The following KLF8 variants were observed in gnomAD, a reference collection of about 807,000 sequenced individuals.
The protein encoded by KLF8 is KLF transcription factor 8.
Under a neutral mutation model 18.2 loss-of-function variants are expected in KLF8, and 10 were observed. That is an observed-to-expected ratio of 0.55 (90% confidence interval 0.34 to 0.93). KLF8 has a LOEUF of 0.93. KLF8 is among the 40% of genes least tolerant of loss of function. KLF8 has a pLI of 0.02. For synonymous variants in KLF8, 109 were observed against 97.3 expected, an observed-to-expected ratio of 1.12 and a Z score of -0.71; for missense variants, 264 against 277.9, an observed-to-expected ratio of 0.95 and a Z score of 0.36.
chrX:56,191,667 A>T, the KLF8 span, among the ~76,000 whole-genome samples: 2 of 111,955 alleles, frequency 1.8e-5, no homozygotes, highest in African/African-American at 6.5e-5. Flanking sequence ...AATCAATTTG[A>T]TGCATCGTAT....
At position 56,287,862 on chromosome X, in the gene KLF8, A is replaced by C. The variant is rs1054791820; in HGVS notation, c.*3368A>C. The C allele has an allele frequency of 3.6e-5, 4 of 112,118 alleles. No homozygotes were observed. Among genetic ancestry groups the C allele is most frequent in the Non-Finnish European group, 7.5e-5 (4 of 53,280 alleles). 9.2% of individuals were successfully genotyped at this position (112,118 alleles called of 1,213,427 possible). A position where few individuals can be genotyped will look rare whatever the true frequency, so the allele number is the denominator to read the frequency against. On this transcript the variant is annotated 3_prime_UTR_variant, in exon 6 of 6. Transcript: ENST00000468660. ...TGTGGTATATTTGTTACAATTAATA[A>C]AACACATTGATATGTTAATATTATT...
chrX:56,048,333 G>T, the KLF8 span, among the ~76,000 whole-genome samples: 2 of 111,816 alleles, frequency 1.8e-5, no homozygotes, highest in Non-Finnish European at 3.8e-5. Context: ...TAGACATGAA[G>T]CCCTTGCCCA....
At chrX:56,162,147 G>T in the KLF8 span, among the ~76,000 whole-genome samples, 1 of 111,634 alleles carries the variant, frequency 9.0e-6, no homozygotes, top group Non-Finnish European at 1.9e-5. Flanking sequence ...TCTCAGAGGA[G>T]TACCTGGCCA....
chrX:56,008,860 C>T, the KLF8 span, among the ~76,000 whole-genome samples: 52 of 112,035 alleles, frequency 4.6e-4, no homozygotes, highest in East Asian at 5.7e-4. Flanking sequence ...GACTCTGATC[C>T]GTCCTAACTC....
At chrX:55,940,451 C>T in the KLF8 span, among the ~76,000 whole-genome samples, 2 of 111,595 alleles carry the variant, frequency 1.8e-5, no homozygotes, top group African/African-American at 3.3e-5. Flanking sequence ...GGAAGCATTC[C>T]CTTTGAACAC....
chrX:56,099,153 G>A, the KLF8 span, among the ~76,000 whole-genome samples: 1 of 111,480 alleles, frequency 9.0e-6, no homozygotes, highest in Non-Finnish European at 1.9e-5. Flanking sequence ...AACATCATGT[G>A]CTCATTTTGT....
chrX:56,031,319 A>C, the KLF8 span, among the ~76,000 whole-genome samples: 5 of 112,091 alleles, frequency 4.5e-5, no homozygotes, highest in Non-Finnish European at 7.5e-5. Flanking sequence ...AGCCAAGTCA[A>C]AACCAAAACC....
chrX:56,080,034 A>C, the KLF8 span, among the ~76,000 whole-genome samples: 1 of 110,605 alleles, frequency 9.0e-6, no homozygotes, highest in African/African-American at 3.3e-5. Flanking sequence ...TTTTGAGCCT[A>C]TGTGTGTCTC....
chrX:56,086,446 A>T, the KLF8 span, among the ~76,000 whole-genome samples: 1 of 110,646 alleles, frequency 9.0e-6, no homozygotes, highest in Non-Finnish European at 1.9e-5. Context: ...GGCTGAGAGC[A>T]GTCACTCCTG....
At chrX:55,965,983 T>A in the KLF8 span, among the ~76,000 whole-genome samples, 1 of 112,091 alleles carries the variant, frequency 8.9e-6, no homozygotes, top group Admixed American at 9.4e-5. Context: ...TAAGTGAATA[T>A]CAATGTTAGC....
At chrX:55,973,350 C>T in the KLF8 span, among the ~76,000 whole-genome samples, 1 of 111,713 alleles carries the variant, frequency 9.0e-6, no homozygotes, top group Non-Finnish European at 1.9e-5. Flanking sequence ...CATAAATTGA[C>T]AAGTGGGAAG....
At chrX:56,058,229 T>C in the KLF8 span, among the ~76,000 whole-genome samples, 3 of 86,356 alleles carry the variant, frequency 3.5e-5, no homozygotes, top group African/African-American at 8.6e-5. Flanking sequence ...TGTATATATA[T>C]ATACACACAT....
At chrX:56,121,180 C>A in the KLF8 span, among the ~76,000 whole-genome samples, 9 of 83,848 alleles carry the variant, frequency 1.1e-4, 1 homozygote, top group Admixed American at 1.1e-3. Context: ...AGCGAGACTC[C>A]GTCTCAAAAA....
At chrX:55,937,666 G>C in the KLF8 span, among the ~76,000 whole-genome samples, 1 of 112,166 alleles carries the variant, frequency 8.9e-6, no homozygotes, top group Non-Finnish European at 1.9e-5. Context: ...AACCAATGCA[G>C]AGAAATACCT....
chrX:56,203,927 G>A, the KLF8 span, among the ~76,000 whole-genome samples: 111 of 111,083 alleles, frequency 1.0e-3, no homozygotes, highest in African/African-American at 3.6e-3. Context: ...GGTTCCATAT[G>A]CATTTTGGAA....
At chrX:55,940,030 G>A in the KLF8 span, among the ~76,000 whole-genome samples, 1 of 111,509 alleles carries the variant, frequency 9.0e-6, no homozygotes, top group Non-Finnish European at 1.9e-5. Context: ...ATTTGATGAG[G>A]ACGGCATCAT....
At chrX:56,076,982 G>A in the KLF8 span, among the ~76,000 whole-genome samples, 4 of 111,474 alleles carry the variant, frequency 3.6e-5, no homozygotes, top group Middle Eastern at 4.7e-3. Flanking sequence ...ACTTTTTGAC[G>A]GGGTTGTTTG....
the KLF8 span, among the ~76,000 whole-genome samples, chrX:56,170,893 C>G: frequency 9.0e-6 from 1 of 111,697 alleles, no homozygotes; most frequent in Non-Finnish European, 1.9e-5. Context: ...TAATCGGAAA[C>G]TCTCAAAGGT....
chrX:55,952,078 G>A, the KLF8 span, among the ~76,000 whole-genome samples: 3 of 111,761 alleles, frequency 2.7e-5, no homozygotes, highest in Admixed American at 1.9e-4. Context: ...ATTTCTTGGA[G>A]GGAAAAATAC....
Sources: allele counts gnomAD v4.1 joint callset (sites outside exome capture counted in the v4.1 genomes callset), GRCh38; gene constraint gnomAD v4.1.1; transcripts MANE v1.5; gene names NCBI Gene and HGNC (gene_info 2026-07-23, HGNC 2026-07-21).